REDIC1: variants seen among roughly 807,000 people sequenced by gnomAD.
REDIC1 encodes the protein HEI10 Interacting Protein 1.
At chr12:39,711,540 T>C in the REDIC1 span, among the ~76,000 whole-genome samples, 1 of 122,078 alleles carries the variant, frequency 8.2e-6, no homozygotes, top group East Asian at 2.4e-4. Context: ...TATATACATA[T>C]ATGTATGTGC....
chr12:39,713,639 G>T, the REDIC1 span, among the ~76,000 whole-genome samples: 2 of 148,720 alleles, frequency 1.3e-5, no homozygotes, highest in Admixed American at 6.7e-5. Flanking sequence ...CAGTACATAT[G>T]TATATATACC....
the REDIC1 span, chr12:39,720,761 G>A: frequency 3.3e-6 from 5 of 1,538,372 alleles, no homozygotes; most frequent in Non-Finnish European, 3.6e-6. Context: ...GCATGGTTTA[G>A]AGCAAAATTA....
At chr12:39,724,314 A>G in the REDIC1 span, among the ~76,000 whole-genome samples, 1 of 151,892 alleles carries the variant, frequency 6.6e-6, no homozygotes, top group Non-Finnish European at 1.5e-5. Context: ...TGTGGAACCC[A>G]CCCCCAAATT....
At chr12:39,815,548 G>T in the REDIC1 span, among the ~76,000 whole-genome samples, 7 of 152,292 alleles carry the variant, frequency 4.6e-5, no homozygotes, top group South Asian at 1.2e-3. Flanking sequence ...ACGTCTGGCA[G>T]AGAGAACAAC....
At chr12:39,863,185 T>C in the REDIC1 span, among the ~76,000 whole-genome samples, 516 of 152,236 alleles carry the variant, frequency 3.4e-3, 3 homozygotes, top group African/African-American at 0.012. Flanking sequence ...CTCATTAAAA[T>C]TGAATATTAA....
the REDIC1 span, among the ~76,000 whole-genome samples, chr12:39,799,543 C>A: frequency 6.6e-6 from 1 of 151,556 alleles, no homozygotes; most frequent in African/African-American, 2.4e-5. Flanking sequence ...TAGAGTAAAT[C>A]AAATAAAGTA....
the REDIC1 span, among the ~76,000 whole-genome samples, chr12:39,879,793 T>C: frequency 6.6e-6 from 1 of 152,050 alleles, no homozygotes; most frequent in Non-Finnish European, 1.5e-5. Flanking sequence ...GAGGGACCAT[T>C]GGGAAGGCAA....
At chr12:39,627,374 T>C in the REDIC1 span, among the ~76,000 whole-genome samples, 1 of 152,246 alleles carries the variant, frequency 6.6e-6, no homozygotes, top group South Asian at 2.1e-4. Flanking sequence ...ATGCTTATAA[T>C]GTGATCTTTT....
chr12:39,729,152 A>G, the REDIC1 span, among the ~76,000 whole-genome samples: 283 of 152,064 alleles, frequency 1.9e-3, no homozygotes, highest in African/African-American at 6.1e-3. Flanking sequence ...TCATGTCTCT[A>G]TCTCCTTTAG....
At chr12:39,738,312 G>A in the REDIC1 span, among the ~76,000 whole-genome samples, 2 of 152,116 alleles carry the variant, frequency 1.3e-5, no homozygotes, top group African/African-American at 2.4e-5. Context: ...CATTGAACAC[G>A]TATGTGTGCA....
chr12:39,832,727 T>C, the REDIC1 span, among the ~76,000 whole-genome samples: 5 of 151,550 alleles, frequency 3.3e-5, no homozygotes, highest in Middle Eastern at 6.8e-3. Flanking sequence ...TATTATCAGT[T>C]TTCTCCTTTC....
the REDIC1 span, among the ~76,000 whole-genome samples, chr12:39,853,577 T>TCTTC: frequency 4.0e-5 from 6 of 151,872 alleles, no homozygotes; most frequent in South Asian, 2.1e-4. Context: ...TTCCTTCCTT[T>TCTTC]CTTCCTTCCT....
the REDIC1 span, chr12:39,764,993 A>C: frequency 1.0e-6 from 1 of 1,003,832 alleles, no homozygotes; most frequent in Non-Finnish European, 1.4e-6. Context: ...AAAAAATAAG[A>C]ACTAAATATA....
the REDIC1 span, among the ~76,000 whole-genome samples, chr12:39,787,820 C>G: frequency 8.5e-5 from 13 of 152,110 alleles, no homozygotes; most frequent in African/African-American, 3.1e-4. Context: ...ATCTAAAAAT[C>G]AGAAAGGCCA....
chr12:39,777,724 A>G, the REDIC1 span, among the ~76,000 whole-genome samples: 1 of 152,254 alleles, frequency 6.6e-6, no homozygotes, highest in Admixed American at 6.5e-5. Context: ...ACGCACCAAC[A>G]GGCATCGGCA....
At chr12:39,896,466 A>G in the REDIC1 span, among the ~76,000 whole-genome samples, 276 of 144,160 alleles carry the variant, frequency 1.9e-3, 11 homozygotes, top group East Asian at 0.021. Flanking sequence ...ATATATGTAT[A>G]CATATATGTA....
the REDIC1 span, among the ~76,000 whole-genome samples, chr12:39,896,515 TGTATACA>T: frequency 7.2e-6 from 1 of 139,084 alleles, no homozygotes; most frequent in Non-Finnish European, 1.6e-5. Flanking sequence ...TGTACATGTG[TGTATACA>T]TGTATACATG....
the REDIC1 span, chr12:39,864,991 G>GA: frequency 4.5e-3 from 4,371 of 980,218 alleles, no homozygotes; most frequent in Middle Eastern, 8.1e-3. Flanking sequence ...AAAAACTCCT[G>GA]AAAAAAAAAT....
the REDIC1 span, among the ~76,000 whole-genome samples, chr12:39,896,203 T>G: frequency 6.7e-6 from 1 of 148,878 alleles, no homozygotes; most frequent in Admixed American, 6.7e-5. Flanking sequence ...TGTGTATGTA[T>G]ACATGTATAT....
Sources: allele counts gnomAD v4.1 joint callset (sites outside exome capture counted in the v4.1 genomes callset), GRCh38; gene constraint gnomAD v4.1.1; transcripts MANE v1.5; gene names NCBI Gene and HGNC (gene_info 2026-07-23, HGNC 2026-07-21).